The following MTM1 variants were observed in gnomAD, a reference collection of about 807,000 sequenced individuals.
MTM1 encodes the protein myotubularin 1.
In MTM1, 9 loss-of-function variants were observed where a neutral mutation model predicts 52.1. The observed-to-expected ratio is 0.17, with a 90% confidence interval of 0.10 to 0.30. MTM1 has a LOEUF of 0.30. Among genes scored for constraint, MTM1 ranks in the 10% least tolerant of loss-of-function variants. MTM1 has a pLI of 1.00. For missense variants in MTM1, 277 were observed against 470.7 expected (o/e 0.59, Z 3.81); for synonymous variants, 136 against 163.8 (o/e 0.83, Z 1.29).
intron 1 of MTM1, among the ~76,000 whole-genome samples, chrX:150,586,915 A>AAC (rs2038798959): frequency 9.6e-6 from 1 of 104,132 alleles, no homozygotes; most frequent in Non-Finnish European, 2.0e-5. Flanking sequence ...CTCTGTCTCA[A>AAC]AAAAAAAAAA....
intron 1 of MTM1, among the ~76,000 whole-genome samples, chrX:150,583,305 ATAT>A (rs1321591118): frequency 2.0e-5 from 1 of 50,486 alleles, no homozygotes; most frequent in Non-Finnish European, 3.4e-5. Context: ...TATATATATT[ATAT>A]ATAATTATAA....
At chrX:150,612,281 C>T (rs1402688636) in intron 4 of MTM1, among the ~76,000 whole-genome samples, 1 of 111,275 alleles carries the variant, frequency 9.0e-6, no homozygotes, top group African/African-American at 3.3e-5. Context: ...ATTCATTTTT[C>T]TTGCTGAGTG....
chrX:150,644,408 A>G (rs1469002820), intron 8 of MTM1, among the ~76,000 whole-genome samples: 12 of 111,583 alleles, frequency 1.1e-4, no homozygotes, highest in African/African-American at 3.9e-4. Flanking sequence ...TGGTGTTTTT[A>G]ATTGATCTCT....
In MTM1 at chrX:150,593,136, C is replaced by T. The variant is rs968717048; in HGVS notation, c.63+459C>T. On this transcript the variant is annotated intron_variant, in intron 2 of 14. Coordinates refer to ENST00000370396, the MANE Select transcript of MTM1 (RefSeq NM_000252.3). Reference sequence around the variant, plus strand: ...TGGGATTTACAGGAGTGAGCTACCACGCCGGCCCAGAAAAGCTTTTAGATA... The same window carrying T: ...TGGGATTTACAGGAGTGAGCTACCATGCCGGCCCAGAAAAGCTTTTAGATA... Among the ~76,000 whole-genome samples, 8 of 112,495 alleles carry T rather than the reference C, an allele frequency of 7.1e-5. No homozygotes were observed. The East Asian group carries it at 8.3e-4, about 12-fold the overall frequency.
chrX:150,572,852 C>T (rs142064296), intron 1 of MTM1, among the ~76,000 whole-genome samples: 1,218 of 112,701 alleles, frequency 0.011, 10 homozygotes, highest in Non-Finnish European at 0.014. Flanking sequence ...GCCTGAGCGG[C>T]CTTTTCTCGT....
chrX:150,598,484 A>T (rs782236723), intron 3 of MTM1, 108 bp from the exon 4 acceptor site: 14 of 505,323 alleles, frequency 2.8e-5, no homozygotes, highest in Non-Finnish European at 3.1e-5. Context: ...AGTAATTTTT[A>T]AAATTGTAGT....
intron 1 of MTM1, among the ~76,000 whole-genome samples, chrX:150,582,552 A>C (rs1557411925): frequency 9.0e-6 from 1 of 111,502 alleles, no homozygotes; most frequent in Non-Finnish European, 1.9e-5. Flanking sequence ...GTCATGCAGC[A>C]CTGGAGTAGG....
the MTM1 span, among the ~76,000 whole-genome samples, chrX:150,563,305 CTTTTTTTTTTTTTTT>C: frequency 9.6e-4 from 33 of 34,535 alleles, 1 homozygote; most frequent in East Asian, 2.8e-3. Flanking sequence ...TAAATCTCAG[CTTTTTTTTTTTTTTT>C]TTTTTTTTTT....
At position 150,657,808 on chromosome X, in the gene MTM1, TTTTC is replaced by T. The variant is rs782691958; in HGVS notation, c.1054-9_1054-6del. The T allele has an allele frequency of 3.7e-5, 45 of 1,206,323 alleles. No individual in the cohort carries two copies. In the African/African-American group the frequency reaches 4.2e-4, roughly 11 times the overall value. ...TATAACTCCCTACTGACTCACGTAT[TTTTC>T]TTTGTCAGCTCGTTTTGACAGGAGC... On this transcript the variant is annotated splice_polypyrimidine_tract_variant and intron_variant, in intron 10 of 14. Coordinates refer to ENST00000370396, the MANE Select transcript of MTM1 (RefSeq NM_000252.3).
chrX:150,632,632 C>G (rs1557413607), intron 6 of MTM1, among the ~76,000 whole-genome samples: 1 of 111,075 alleles, frequency 9.0e-6, no homozygotes, highest in Non-Finnish European at 1.9e-5. Context: ...TCACCCCAGT[C>G]CTTGATGATG....
intron 1 of MTM1, among the ~76,000 whole-genome samples, chrX:150,581,197 A>C (rs915804204): frequency 1.8e-5 from 2 of 112,121 alleles, no homozygotes; most frequent in East Asian, 5.6e-4. Flanking sequence ...AGATATGGTT[A>C]AAGTTCATGA....
At chrX:150,611,369 T>C (rs899673312) in intron 4 of MTM1, among the ~76,000 whole-genome samples, 11 of 112,677 alleles carry the variant, frequency 9.8e-5, no homozygotes, top group African/African-American at 3.5e-4. Context: ...GACTGAGTGA[T>C]AGTAACTCAC....
At chrX:150,652,658 TACACAC>T (rs377592464) in intron 10 of MTM1, among the ~76,000 whole-genome samples, 5,313 of 82,402 alleles carry the variant, frequency 0.064, 146 homozygotes, top group Non-Finnish European at 0.081. Context: ...TATATATATA[TACACAC>T]ACACACACAC....
chrX:150,611,069 CTG>C (rs1307166715), intron 4 of MTM1, among the ~76,000 whole-genome samples: 2 of 111,693 alleles, frequency 1.8e-5, no homozygotes, highest in African/African-American at 6.5e-5. Context: ...TATACGTACA[CTG>C]TTACTGAGTA....
At chrX:150,610,153 C>T (rs1429329594) in intron 4 of MTM1, among the ~76,000 whole-genome samples, 2 of 112,128 alleles carry the variant, frequency 1.8e-5, no homozygotes, top group African/African-American at 3.2e-5. Context: ...GTCATTGCCA[C>T]AGAACCTTCA....
chrX:150,572,107 T>C (rs2038388045), intron 1 of MTM1, among the ~76,000 whole-genome samples: 1 of 112,029 alleles, frequency 8.9e-6, no homozygotes, highest in Non-Finnish European at 1.9e-5. Flanking sequence ...CTTTTGTTTG[T>C]GTGAGGTGGT....
chrX:150,647,525 G>T (rs1394716551), intron 9 of MTM1, among the ~76,000 whole-genome samples: 1 of 111,464 alleles, frequency 9.0e-6, no homozygotes, highest in African/African-American at 3.3e-5. Context: ...TCCGCTAGTC[G>T]CTAATATCCA....
At chrX:150,589,088 G>T (rs1036774026) in intron 1 of MTM1, among the ~76,000 whole-genome samples, 1 of 111,998 alleles carries the variant, frequency 8.9e-6, no homozygotes, top group Non-Finnish European at 1.9e-5. Context: ...GGCTAGGTGA[G>T]TTGAGTTCTC....
intron 9 of MTM1, among the ~76,000 whole-genome samples, chrX:150,647,888 T>G (rs2039961353): frequency 8.9e-6 from 1 of 112,582 alleles, no homozygotes; most frequent in Admixed American, 9.4e-5. Context: ...TGTGGAACTG[T>G]GCTAATGTCT....
Sources: gnomAD v4.1 joint callset for allele counts (sites outside exome capture counted in the v4.1 genomes callset) on GRCh38, gnomAD v4.1.1 for gene constraint, MANE v1.5 for transcripts, NCBI Gene and HGNC (gene_info 2026-07-23, HGNC 2026-07-21) for gene names.